Variants in RNF217 observed in about 807,000 individuals in gnomAD.
RNF217 encodes the protein E3 ubiquitin-protein ligase RNF217.
A neutral mutation model predicts 57.8 loss-of-function variants in RNF217; 31 were observed. The ratio of observed to expected loss-of-function variants is 0.54; its 90% CI spans 0.40 to 0.72. The LOEUF (loss-of-function observed/expected upper bound fraction) is 0.72. Among genes scored for constraint, RNF217 ranks in the 30% least tolerant of loss-of-function variants. The probability of loss-of-function intolerance (pLI) is 0.00; values close to 1 mark genes in which losing one functional copy is unlikely to be tolerated. For synonymous variants in RNF217, 313 were observed against 294.0 expected (o/e 1.06, Z -0.66); for missense variants, 696 against 708.3 (o/e 0.98, Z 0.20).
At chr6:125,045,081 A>G (rs542422208) in intron 1 of RNF217, 130 bp from the exon 2 acceptor site, 1 of 628,508 alleles carries the variant, frequency 1.6e-6, no homozygotes, top group Non-Finnish European at 2.8e-6. Context: ...AACATTCATT[A>G]TGTTATCTTA....
At position 125,085,672 on chromosome 6, in the gene RNF217, A is replaced by G. The variant is rs1471512333; in HGVS notation, c.*2735A>G. ...ATATACTACTTTAAAAAATTGAACT[A>G]TACAGAATTTATAAAATACAACTTT... On this transcript the variant is annotated 3_prime_UTR_variant, in exon 6 of 6. Coordinates refer to ENST00000521654, the MANE Select transcript of RNF217 (RefSeq NM_001286398.3). The G allele has an allele frequency of 1.3e-5, 2 of 151,862 alleles. No individual in the cohort carries two copies. Among genetic ancestry groups the G allele is most frequent in the African/African-American group, 2.4e-5 (1 of 41,410 alleles). The allele number at this position is 151,862 out of a possible 1,614,324, so 9.4% of individuals were successfully genotyped here. A position where few individuals can be genotyped will look rare whatever the true frequency, so the allele number is the denominator to read the frequency against.
At chr6:124,969,154 CTTCT>C in intron 1 of RNF217, among the ~76,000 whole-genome samples, 1 of 152,188 alleles carries the variant, frequency 6.6e-6, no homozygotes, top group South Asian at 2.1e-4. Context: ...TTTACTATTC[CTTCT>C]GTTATGTTTA....
chr6:125,056,536 GAA>G (rs1417489572), intron 2 of RNF217, among the ~76,000 whole-genome samples: 1 of 152,140 alleles, frequency 6.6e-6, no homozygotes, highest in Non-Finnish European at 1.5e-5. Flanking sequence ...TGACATAAGT[GAA>G]AATTACAGTG....
chr6:124,979,079 A>C (rs541903219), intron 1 of RNF217, among the ~76,000 whole-genome samples: 1 of 152,126 alleles, frequency 6.6e-6, no homozygotes. Context: ...AGAAGTTCTC[A>C]CTCTGGTCAT....
chr6:124,980,678 T>A (rs1174021574), intron 1 of RNF217, among the ~76,000 whole-genome samples: 1 of 148,594 alleles, frequency 6.7e-6, no homozygotes, highest in Non-Finnish European at 1.5e-5. Flanking sequence ...GTGCCTGTCC[T>A]TTTCTTTGTT....
Position 125,064,745 on chromosome 6 carries a change from A to C in RNF217, c.1281+6639A>C, listed in dbSNP as rs142228859. Among the ~76,000 whole-genome samples the C allele has an allele frequency of 6.1e-4, 93 of 152,230 alleles. No individual in the cohort carries two copies. The East Asian group carries it at 0.017, about 28-fold the overall frequency. On this transcript the variant is annotated intron_variant, in intron 3 of 5. Coordinates refer to ENST00000521654, the MANE Select transcript of RNF217 (RefSeq NM_001286398.3). ...TAATATTTTAAAATGAGGACAAAAT[A>C]AGTACGTGTGTATATATTATTTTTA... is the stretch of plus-strand genomic sequence containing the variant.
intron 1 of RNF217, among the ~76,000 whole-genome samples, chr6:125,003,752 A>G (rs1047367535): frequency 1.3e-5 from 2 of 152,144 alleles, no homozygotes; most frequent in Non-Finnish European, 2.9e-5. Flanking sequence ...ATAGCAAAGG[A>G]AAAACCCAAT....
chr6:125,016,858 C>T (rs566880483), intron 1 of RNF217, among the ~76,000 whole-genome samples: 7 of 152,168 alleles, frequency 4.6e-5, no homozygotes, highest in South Asian at 2.1e-4. Flanking sequence ...GTGCAGCAAA[C>T]GGCCATGGCA....
intron 3 of RNF217, among the ~76,000 whole-genome samples, chr6:125,066,025 T>TGC: frequency 6.6e-6 from 1 of 152,172 alleles, no homozygotes; most frequent in Non-Finnish European, 1.5e-5. Flanking sequence ...CCAAGAACTT[T>TGC]AGGTTATCCC....
intron 3 of RNF217, among the ~76,000 whole-genome samples, chr6:125,060,592 G>C (rs1043269319): frequency 6.6e-6 from 1 of 151,976 alleles, no homozygotes; most frequent in Non-Finnish European, 1.5e-5. Context: ...TTACAGGCAT[G>C]AGCCACCATG....
At position 125,084,132 on chromosome 6, in the gene RNF217, A is replaced by G. The variant is rs1788697480; in HGVS notation, c.*1195A>G. ...TTTTTATTTGTTTTCAAGGTTTTTC[A>G]TAAAAACAAATACTAGTTTTGAAGG... On this transcript the variant is annotated 3_prime_UTR_variant, in exon 6 of 6. Coordinates refer to ENST00000521654, the MANE Select transcript of RNF217 (RefSeq NM_001286398.3). 6.6e-6 allele frequency: 1 copy of G among 151,938 alleles called. No homozygotes were observed. The highest frequency in any genetic ancestry group is 2.4e-5 in the African/African-American group (1 of 41,400). The allele number at this position is 151,938 out of a possible 1,614,324, so 9.4% of individuals were successfully genotyped here.
rs777454978 is a variant in RNF217 at position 124,963,090 on chromosome 6, C to T, written c.546C>T (p.Leu182=). The change falls in exon 1 of 6, where the codon CTC becomes CTT. Residue 182 remains leucine (L), a synonymous_variant. Coordinates refer to ENST00000521654, the MANE Select transcript of RNF217 (RefSeq NM_001286398.3). ...CCGAGGCCCCCGCCTCGGAGCAGCTCTCGCCGCCCGCGTCGCCACCTGGGG... is the reference window on the plus strand; with the variant it reads ...CCGAGGCCCCCGCCTCGGAGCAGCTTTCGCCGCCCGCGTCGCCACCTGGGG... The part of the protein sequence containing the change: ...DLPEAPASEQ[L]SPPASPPGAP... The T allele has an allele frequency of 2.6e-6, 4 of 1,546,358 alleles. No homozygotes were observed. Among genetic ancestry groups the T allele is most frequent in the Non-Finnish European group, 3.5e-6 (4 of 1,153,438 alleles).
At chr6:125,071,783 T>C (rs780220728) in intron 3 of RNF217, among the ~76,000 whole-genome samples, 2 of 152,180 alleles carry the variant, frequency 1.3e-5, no homozygotes, top group Non-Finnish European at 2.9e-5. Context: ...GAAGAAACTA[T>C]GAGTACTAAC....
intron 2 of RNF217, among the ~76,000 whole-genome samples, chr6:125,052,929 T>A (rs1411574690): frequency 6.6e-6 from 1 of 152,100 alleles, no homozygotes; most frequent in African/African-American, 2.4e-5. Flanking sequence ...TATAGGAACT[T>A]ACTGGCTCCA....
intron 3 of RNF217, among the ~76,000 whole-genome samples, chr6:125,065,155 G>A (rs1231542388): frequency 1.3e-5 from 2 of 151,816 alleles, no homozygotes; most frequent in Non-Finnish European, 2.9e-5. Flanking sequence ...GCTGGACGTA[G>A]TGGCAGTCGC....
chr6:125,077,379 C>T (rs532664925), intron 4 of RNF217, among the ~76,000 whole-genome samples: 1 of 152,216 alleles, frequency 6.6e-6, no homozygotes, highest in African/African-American at 2.4e-5. Flanking sequence ...TAATAGGTAA[C>T]AGTTAATATA....
At position 125,089,430 on chromosome 6, in the gene RNF217, T is replaced by C. The variant is rs1788869590; in HGVS notation, c.*6493T>C. 1.3e-5 allele frequency: 2 copies of C among 152,356 alleles called. No individual in the cohort carries two copies. Among genetic ancestry groups the C allele is most frequent in the African/African-American group, 4.8e-5 (2 of 41,592 alleles). 9.4% of individuals were successfully genotyped at this position (152,356 alleles called of 1,614,324 possible). A position where few individuals can be genotyped will look rare whatever the true frequency, so the allele number is the denominator to read the frequency against. The stretch of plus-strand genomic sequence containing the variant: ...ACAGCTTGGACTTGGGGTGGATTTA[T>C]ATAGTGTAGCATTTGTATATAAGAT... On this transcript the variant is annotated 3_prime_UTR_variant, in exon 6 of 6. Transcript: ENST00000521654.
intron 1 of RNF217, among the ~76,000 whole-genome samples, chr6:124,963,673 G>GT (rs1783404650): frequency 6.6e-6 from 1 of 152,234 alleles, no homozygotes; most frequent in Non-Finnish European, 1.5e-5. Context: ...CAAGATACAA[G>GT]TTGTTGCCCT....
At chr6:125,005,593 A>G (rs1386346938) in intron 1 of RNF217, among the ~76,000 whole-genome samples, 1 of 152,234 alleles carries the variant, frequency 6.6e-6, no homozygotes. Flanking sequence ...TTCCTTTGAA[A>G]ATCTTTTGAA....
Sources: allele counts gnomAD v4.1 joint callset (sites outside exome capture counted in the v4.1 genomes callset), GRCh38; gene constraint gnomAD v4.1.1; transcripts MANE v1.5; gene names NCBI Gene and HGNC (gene_info 2026-07-23, HGNC 2026-07-21).